The following ANKRD36B variants were observed in gnomAD, a reference collection of about 807,000 sequenced individuals.
ANKRD36B encodes ankyrin repeat domain 36B.
Under a neutral mutation model 135.7 loss-of-function variants are expected in ANKRD36B, and 37 were observed. That is an observed-to-expected ratio of 0.27 (90% confidence interval 0.21 to 0.36). ANKRD36B has a LOEUF of 0.36. ANKRD36B is among the 10% of genes least tolerant of loss of function. The pLI is 1.00. For missense variants in ANKRD36B, 549 were observed against 1,037.1 expected (o/e 0.53, Z 6.46); for synonymous variants, 179 against 348.1 (o/e 0.51, Z 5.41).
In ANKRD36B at chr2:97,498,889, G is replaced by GA. The variant is rs1234563011; in HGVS notation, c.*7-6035dup. On this transcript the variant is annotated intron_variant, in intron 43 of 43. Transcript: ENST00000359901. ...GGGTGACAGAGCAAGACTCCATCTT[G>GA]AAAAAAAAATGCTGTGCCTAGCAAA... Among the ~76,000 whole-genome samples, 4 of 16,910 alleles carry GA rather than the reference G, an allele frequency of 2.4e-4. No individual in the cohort carries two copies. The East Asian group carries it at 3.0e-3, about 13-fold the overall frequency. 11.1% of individuals were successfully genotyped at this position (16,910 alleles called of 152,430 possible). A position where few individuals can be genotyped will look rare whatever the true frequency, so the allele number is the denominator to read the frequency against.
intron 1 of ANKRD36B, 54 bp from the exon 2 acceptor site, chr2:97,585,452 T>A: frequency 6.6e-7 from 1 of 1,525,398 alleles, no homozygotes; most frequent in Non-Finnish European, 8.8e-7. Flanking sequence ...TTAATTAGCA[T>A]GTTATTTCTC....
At chr2:97,560,413 T>TA (rs1468387136) in intron 8 of ANKRD36B, among the ~76,000 whole-genome samples, 1 of 151,846 alleles carries the variant, frequency 6.6e-6, no homozygotes, top group Non-Finnish European at 1.5e-5. Flanking sequence ...CTTAGCCTGG[T>TA]ATGTGTTGAA....
intron 6 of ANKRD36B, among the ~76,000 whole-genome samples, chr2:97,570,685 C>T: frequency 6.6e-6 from 1 of 152,138 alleles, no homozygotes; most frequent in Non-Finnish European, 1.5e-5. Context: ...CAGGAGAGGG[C>T]TCCCGGAAGC....
chr2:97,567,494 G>A (rs1411767068), intron 6 of ANKRD36B, among the ~76,000 whole-genome samples: 2 of 151,944 alleles, frequency 1.3e-5, no homozygotes, highest in Non-Finnish European at 2.9e-5. Context: ...TCAATCATTA[G>A]CATACAAATG....
chr2:97,555,541 A>C (rs2080441576), intron 12 of ANKRD36B, among the ~76,000 whole-genome samples: 1 of 151,948 alleles, frequency 6.6e-6, no homozygotes, highest in African/African-American at 2.4e-5. Flanking sequence ...ATGAGGACAA[A>C]TGTGATCTAA....
rs1474345572 is a variant in ANKRD36B at position 97,539,353 on chromosome 2, ATATCTCTG to A, written c.1987+673_1987+680del. ...TGAATAACTAATATCAACAAAACAT[ATATCTCTG>A]ACACCCAAGAGTAACAAAGAGGAGC... On this transcript the variant is annotated intron_variant, in intron 30 of 43. Transcript: ENST00000359901. Among the ~76,000 whole-genome samples the A allele has an allele frequency of 1.6e-3, 157 of 96,854 alleles. 47 individuals carry two copies. The highest frequency in any genetic ancestry group is 4.0e-3 in the African/African-American group (131 of 32,422). 63.5% of individuals were successfully genotyped at this position (96,854 alleles called of 152,430 possible).
chr2:97,516,334 A>G (rs1470226903), intron 36 of ANKRD36B, among the ~76,000 whole-genome samples: 1 of 11,360 alleles, frequency 8.8e-5, no homozygotes, highest in African/African-American at 2.5e-4. Flanking sequence ...AGCAAAGAAG[A>G]AAGCAAAGCA....
chr2:97,581,274 A>T (rs1573070895), intron 3 of ANKRD36B, among the ~76,000 whole-genome samples: 6 of 152,016 alleles, frequency 3.9e-5, no homozygotes, highest in Admixed American at 2.0e-4. Flanking sequence ...TGGGTGATAC[A>T]CACTTGCCTC....
Position 97,551,432 on chromosome 2 carries a change from A to G in ANKRD36B, c.1302+20T>C, listed in dbSNP as rs1049979448. ...GGCTATACGTTTACTAGCTCACAAT[A>G]TAAATGAGAGTTTCATTACCTTCAA... is the stretch of plus-strand genomic sequence containing the variant. On this transcript the variant is annotated intron_variant, in intron 17 of 43. Transcript: ENST00000359901. The G allele has an allele frequency of 6.2e-7, 1 of 1,606,580 alleles. No individual in the cohort carries two copies. Among genetic ancestry groups the G allele is most frequent in the Non-Finnish European group, 8.5e-7 (1 of 1,178,778 alleles).
intron 6 of ANKRD36B, among the ~76,000 whole-genome samples, chr2:97,574,970 T>C (rs2082131871): frequency 6.6e-6 from 1 of 152,086 alleles, no homozygotes; most frequent in Non-Finnish European, 1.5e-5. Flanking sequence ...ACAACAGACA[T>C]ACCAATCACA....
At chr2:97,540,258 C>G (rs1356841613) in intron 28 of ANKRD36B, 29 bp from the exon 29 acceptor site, 1 of 963,164 alleles carries the variant, frequency 1.0e-6, no homozygotes, top group African/African-American at 1.7e-5. Flanking sequence ...ACATAATCAC[C>G]CACATGCACG....
At chr2:97,558,029 T>C (rs1273566218) in intron 10 of ANKRD36B, among the ~76,000 whole-genome samples, 2 of 152,002 alleles carry the variant, frequency 1.3e-5, no homozygotes, top group Non-Finnish European at 2.9e-5. Context: ...AGCATTTTCA[T>C]TAAATTGCTA....
chr2:97,584,320 C>CT (rs1393908416), intron 3 of ANKRD36B, among the ~76,000 whole-genome samples: 1 of 121,712 alleles, frequency 8.2e-6, no homozygotes, highest in Non-Finnish European at 1.6e-5. Context: ...CTGAAGCGAT[C>CT]TTTGTCTAAA....
chr2:97,547,476 G>A, intron 22 of ANKRD36B, 60 bp downstream of exon 22: 1 of 1,481,338 alleles, frequency 6.8e-7, no homozygotes, highest in African/African-American at 1.4e-5. Flanking sequence ...ATTTATTCAG[G>A]GAAGAGAATT....
chr2:97,563,237 T>C (rs1284499096), intron 6 of ANKRD36B, among the ~76,000 whole-genome samples: 1 of 151,892 alleles, frequency 6.6e-6, no homozygotes, highest in Admixed American at 6.6e-5. Context: ...TTGTGAAGAC[T>C]TGAAAACATG....
At chr2:97,586,746 T>G (rs1315502685) in intron 1 of ANKRD36B, among the ~76,000 whole-genome samples, 2 of 152,228 alleles carry the variant, frequency 1.3e-5, no homozygotes, top group Non-Finnish European at 2.9e-5. Context: ...TGTTTCCTTA[T>G]ATGTAATAAA....
intron 35 of ANKRD36B, among the ~76,000 whole-genome samples, chr2:97,530,025 G>A (rs2078479840): frequency 1.0e-5 from 1 of 95,828 alleles, no homozygotes; most frequent in Non-Finnish European, 2.8e-5. Flanking sequence ...AGCTCCCAAT[G>A]ACTTTCTTCA....
At chr2:97,554,438 C>A (rs2104697850) in intron 14 of ANKRD36B, among the ~76,000 whole-genome samples, 1 of 152,058 alleles carries the variant, frequency 6.6e-6, no homozygotes, top group South Asian at 2.1e-4. Context: ...CCAATTCTAG[C>A]TTTCTTTGCT....
intron 6 of ANKRD36B, among the ~76,000 whole-genome samples, chr2:97,564,124 A>T (rs2081257524): frequency 6.6e-6 from 1 of 151,782 alleles, no homozygotes; most frequent in Non-Finnish European, 1.5e-5. Flanking sequence ...ATGTTGTAAG[A>T]GGTTTTTAAT....
Sources: gnomAD v4.1 joint callset for allele counts (sites outside exome capture counted in the v4.1 genomes callset) on GRCh38, gnomAD v4.1.1 for gene constraint, MANE v1.5 for transcripts, NCBI Gene and HGNC (gene_info 2026-07-23, HGNC 2026-07-21) for gene names.